The following NELL1 variants were observed in gnomAD, a reference collection of about 807,000 sequenced individuals.
NELL1 encodes neural EGFL like 1, also known as protein kinase C-binding protein NELL1.
A neutral mutation model predicts 107.4 loss-of-function variants in NELL1; 76 were observed. The ratio of observed to expected loss-of-function variants is 0.71; its 90% CI spans 0.59 to 0.86. NELL1 has a LOEUF of 0.86. NELL1 is among the 40% of genes least tolerant of loss of function. NELL1 has a pLI of 0.00. For missense variants in NELL1, 1,024 were observed against 1,005.5 expected (o/e 1.02, Z -0.25); for synonymous variants, 353 against 341.2 (o/e 1.03, Z -0.38).
chr11:21,525,310 A>T (rs1265781580), intron 15 of NELL1, among the ~76,000 whole-genome samples: 2 of 152,202 alleles, frequency 1.3e-5, no homozygotes, highest in African/African-American at 2.4e-5. Context: ...ACTAGTTACT[A>T]ATAAGGACTT....
At chr11:21,422,757 A>C (rs1040663413) in intron 15 of NELL1, among the ~76,000 whole-genome samples, 2 of 151,576 alleles carry the variant, frequency 1.3e-5, no homozygotes, top group Non-Finnish European at 2.9e-5. Context: ...AAACACAGTA[A>C]TATAGAATAT....
At chr11:21,019,251 AG>A (rs2134299088) in intron 12 of NELL1, among the ~76,000 whole-genome samples, 1 of 152,206 alleles carries the variant, frequency 6.6e-6, no homozygotes, top group Non-Finnish European at 1.5e-5. Context: ...GCAAACCTAG[AG>A]GTAGTATTTC....
chr11:20,941,225 A>G (rs1182837011), intron 10 of NELL1, among the ~76,000 whole-genome samples: 3 of 152,232 alleles, frequency 2.0e-5, no homozygotes, highest in Non-Finnish European at 4.4e-5. Flanking sequence ...GTGGATTTCC[A>G]TGGCTGGAAA....
chr11:21,403,288 A>C (rs2133799764), intron 15 of NELL1, among the ~76,000 whole-genome samples: 1 of 151,820 alleles, frequency 6.6e-6, no homozygotes, highest in South Asian at 2.1e-4. Context: ...CATATAGTCT[A>C]CCTGTGTCAG....
intron 15 of NELL1, among the ~76,000 whole-genome samples, chr11:21,503,616 G>T (rs922591751): frequency 6.6e-6 from 1 of 152,138 alleles, no homozygotes; most frequent in Non-Finnish European, 1.5e-5. Context: ...AATAATATTT[G>T]TCCTGTGTCT....
chr11:21,090,043 T>A (rs1266682818), intron 12 of NELL1, among the ~76,000 whole-genome samples: 3 of 152,184 alleles, frequency 2.0e-5, no homozygotes, highest in Non-Finnish European at 4.4e-5. Flanking sequence ...CTATGGACCA[T>A]GGTGTATTTG....
chr11:20,696,210 T>C (rs1399657793), intron 2 of NELL1, among the ~76,000 whole-genome samples: 2 of 152,164 alleles, frequency 1.3e-5, no homozygotes, highest in Non-Finnish European at 2.9e-5. Context: ...ATCTTGTTTA[T>C]ACTTTCAAAT....
chr11:21,063,204 G>A (rs1328847051), intron 12 of NELL1, among the ~76,000 whole-genome samples: 2 of 152,092 alleles, frequency 1.3e-5, no homozygotes, highest in East Asian at 3.9e-4. Flanking sequence ...ATGAGACACA[G>A]AAGGTGAGTT....
At chr11:20,709,717 C>T (rs902145321) in intron 2 of NELL1, among the ~76,000 whole-genome samples, 2 of 152,038 alleles carry the variant, frequency 1.3e-5, no homozygotes, top group African/African-American at 2.4e-5. Context: ...TAATTTCTTT[C>T]AATAGTGTTT....
At chr11:20,692,497 G>A (rs1294331418) in intron 2 of NELL1, among the ~76,000 whole-genome samples, 12 of 150,982 alleles carry the variant, frequency 7.9e-5, no homozygotes, top group East Asian at 3.9e-4. Context: ...CTTTGTTCTC[G>A]TTGGTTTCAA....
chr11:20,994,305 A>T (rs551008070), intron 12 of NELL1, among the ~76,000 whole-genome samples: 1 of 152,228 alleles, frequency 6.6e-6, no homozygotes, highest in African/African-American at 2.4e-5. Flanking sequence ...AAACATGAAG[A>T]TTCTCTGAGC....
intron 14 of NELL1, among the ~76,000 whole-genome samples, chr11:21,310,394 G>A (rs1358605936): frequency 6.6e-6 from 1 of 152,052 alleles, no homozygotes; most frequent in Non-Finnish European, 1.5e-5. Flanking sequence ...TTCACTGAGT[G>A]GCTGCTATGT....
chr11:21,391,206 G>A (rs1851869742), intron 15 of NELL1, among the ~76,000 whole-genome samples: 1 of 151,572 alleles, frequency 6.6e-6, no homozygotes, highest in South Asian at 2.1e-4. Context: ...ACATTTTTTA[G>A]TACAACTTTT....
chr11:20,683,652 A>T (rs933033475), intron 2 of NELL1, among the ~76,000 whole-genome samples: 1 of 152,140 alleles, frequency 6.6e-6, no homozygotes, highest in African/African-American at 2.4e-5. Context: ...TATTTCTTAT[A>T]GTGCAGGTCT....
chr11:20,863,977 G>A (rs1302185250), intron 4 of NELL1, among the ~76,000 whole-genome samples: 19 of 151,280 alleles, frequency 1.3e-4, no homozygotes, highest in Admixed American at 4.6e-4. Flanking sequence ...GCGTGGCGGC[G>A]CGCGCCTGCA....
chr11:21,314,845 A>C (rs1849839348), intron 14 of NELL1, among the ~76,000 whole-genome samples: 2 of 151,706 alleles, frequency 1.3e-5, no homozygotes. Context: ...AAGAAAGTGC[A>C]GTGGATACAG....
At chr11:21,537,853 A>G (rs980827083) in intron 16 of NELL1, among the ~76,000 whole-genome samples, 3 of 152,120 alleles carry the variant, frequency 2.0e-5, no homozygotes, top group African/African-American at 7.2e-5. Context: ...TGAGATGTTA[A>G]ATATCACAAA....
rs1397818304 is a variant in NELL1 at position 21,423,183 on chromosome 11, G to A, written c.1645+52235G>A. On this transcript the variant is annotated intron_variant, in intron 15 of 19. Coordinates refer to ENST00000357134, the MANE Select transcript of NELL1 (RefSeq NM_006157.5). ...AGATGGAGACCATCCTCGCCAACATGGTGAAACCCCATCTCCACTAAAAAT... is the reference window on the plus strand; with the variant it reads ...AGATGGAGACCATCCTCGCCAACATAGTGAAACCCCATCTCCACTAAAAAT... Among the ~76,000 whole-genome samples, 5 of 151,966 alleles carry A rather than the reference G, an allele frequency of 3.3e-5. No homozygotes were observed. In the South Asian group the frequency reaches 8.3e-4, roughly 25 times the overall value.
chr11:21,500,604 C>T (rs1486038139), intron 15 of NELL1, among the ~76,000 whole-genome samples: 1 of 152,078 alleles, frequency 6.6e-6, no homozygotes, highest in Non-Finnish European at 1.5e-5. Context: ...ATTTTATTTT[C>T]AGCACCCAGA....
Sources: gnomAD v4.1 joint callset for allele counts (sites outside exome capture counted in the v4.1 genomes callset) on GRCh38, gnomAD v4.1.1 for gene constraint, MANE v1.5 for transcripts, NCBI Gene and HGNC (gene_info 2026-07-23, HGNC 2026-07-21) for gene names.